The following PLD1 variants were observed in gnomAD, a reference collection of about 807,000 sequenced individuals.
The protein encoded by PLD1 is phospholipase D1.
In PLD1, 112 loss-of-function variants were observed where a neutral mutation model predicts 137.1. The ratio of observed to expected loss-of-function variants is 0.82; its 90% CI spans 0.70 to 0.96. PLD1 has a LOEUF of 0.96. Ranked by LOEUF, PLD1 falls within the 40% of genes least tolerant of loss-of-function variation. The pLI is 0.00. For missense variants in PLD1, 1,321 were observed against 1,342.0 expected, an observed-to-expected ratio of 0.98 and a Z score of 0.24; for synonymous variants, 431 against 454.7, an observed-to-expected ratio of 0.95 and a Z score of 0.66.
At chr3:171,733,543 T>C (rs751871312) in intron 5 of PLD1, 34 bp from the exon 6 acceptor site, 1 of 793,902 alleles carries the variant, frequency 1.3e-6, no homozygotes, top group Non-Finnish European at 2.2e-6. Flanking sequence ...AGTGTTAACA[T>C]GGTCATATTT....
At position 171,674,500 on chromosome 3, in the gene PLD1, C is replaced by A; in HGVS notation, c.2229G>T (p.Gln743His). 6.6e-7 allele frequency: 1 copy of A among 1,513,468 alleles called. No individual in the cohort carries two copies. The highest frequency in any genetic ancestry group is 9.1e-7 in the Non-Finnish European group (1 of 1,098,262). 93.8% of individuals were successfully genotyped at this position (1,513,468 alleles called of 1,614,324 possible). A position where few individuals can be genotyped will look rare whatever the true frequency, so the allele number is the denominator to read the frequency against. The change falls in exon 19 of 27, where the codon CAG (glutamine) becomes CAT (histidine). Residue 743 changes from glutamine to histidine, a missense_variant and splice_region_variant. Physicochemically the swap from Gln to His is conservative, Grantham distance 24. Transcript: ENST00000351298. ...AAAAGAAAAGCCAGAACTTACTTAC[C>A]TGTACGTTAGCATGGACAGACCCAG... ...QVPGSVHANV[Q>H]LLRSAADWSA...
chr3:171,746,266 C>T (rs532611244), intron 1 of PLD1, among the ~76,000 whole-genome samples: 7 of 152,322 alleles, frequency 4.6e-5, no homozygotes, highest in African/African-American at 1.4e-4. Flanking sequence ...AGTGCAGGCT[C>T]GCAGCGCGGG....
At chr3:171,639,848 C>CTCTCTCCATATA (rs3050415) in intron 23 of PLD1, among the ~76,000 whole-genome samples, 1 of 110,214 alleles carries the variant, frequency 9.1e-6, no homozygotes, top group Non-Finnish European at 1.7e-5. Flanking sequence ...CTCTCTCTCT[C>CTCTCTCCATATA]TATATATATA....
intron 9 of PLD1, among the ~76,000 whole-genome samples, chr3:171,713,334 G>A (rs934462033): frequency 1.3e-5 from 2 of 152,124 alleles, no homozygotes; most frequent in Admixed American, 6.5e-5. Context: ...GGTGGCAGGC[G>A]CCTGTAGTCC....
intron 19 of PLD1, among the ~76,000 whole-genome samples, chr3:171,665,336 G>C (rs1040706529): frequency 6.6e-6 from 1 of 152,192 alleles, no homozygotes; most frequent in African/African-American, 2.4e-5. Flanking sequence ...TTCTGTGAAG[G>C]ATAATGGTAA....
intron 8 of PLD1, among the ~76,000 whole-genome samples, chr3:171,722,736 C>T (rs76244622): frequency 3.9e-5 from 6 of 152,010 alleles, no homozygotes; most frequent in Non-Finnish European, 5.9e-5. Flanking sequence ...GTTCACAATG[C>T]GATGGTTTTT....
intron 21 of PLD1, among the ~76,000 whole-genome samples, chr3:171,657,426 AC>A (rs1371006388): frequency 2.0e-5 from 3 of 152,234 alleles, no homozygotes; most frequent in African/African-American, 7.2e-5. Flanking sequence ...GCATTCAATG[AC>A]TTAAAGTAAT....
intron 21 of PLD1, among the ~76,000 whole-genome samples, chr3:171,655,778 G>T (rs896476493): frequency 2.6e-5 from 4 of 152,270 alleles, no homozygotes; most frequent in African/African-American, 9.6e-5. Flanking sequence ...GAGACGCCAG[G>T]GGTGAGGGGA....
intron 21 of PLD1, among the ~76,000 whole-genome samples, chr3:171,650,261 C>T (rs1736613361): frequency 6.6e-6 from 1 of 151,952 alleles, no homozygotes; most frequent in South Asian, 2.1e-4. Flanking sequence ...ATAGACCCCA[C>T]TCTCTTTTCA....
intron 1 of PLD1, among the ~76,000 whole-genome samples, chr3:171,758,438 A>G (rs1391827272): frequency 6.6e-6 from 1 of 152,086 alleles, no homozygotes; most frequent in African/African-American, 2.4e-5. Flanking sequence ...ACCTTTCCCC[A>G]CCATCTGTCT....
intron 19 of PLD1, among the ~76,000 whole-genome samples, chr3:171,669,385 A>C (rs1053557519): frequency 6.6e-6 from 1 of 152,170 alleles, no homozygotes; most frequent in African/African-American, 2.4e-5. Context: ...AGAAATGTTA[A>C]CTTCTTTGTT....
intron 25 of PLD1, among the ~76,000 whole-genome samples, chr3:171,609,915 G>A (rs1560141043): frequency 1.3e-5 from 2 of 152,022 alleles, no homozygotes; most frequent in African/African-American, 4.8e-5. Flanking sequence ...AATAAAAAAA[G>A]AAAGTTAAAC....
At chr3:171,661,618 T>A (rs1711518425) in intron 20 of PLD1, among the ~76,000 whole-genome samples, 1 of 152,134 alleles carries the variant, frequency 6.6e-6, no homozygotes, top group Non-Finnish European at 1.5e-5. Context: ...CACGTTCTTT[T>A]CCCTGCACTC....
At chr3:171,746,453 T>G (rs1720188007) in intron 1 of PLD1, among the ~76,000 whole-genome samples, 1 of 152,238 alleles carries the variant, frequency 6.6e-6, no homozygotes, top group South Asian at 2.1e-4. Context: ...CAGTGCTCTG[T>G]GTCCAGCTAA....
chr3:171,736,262 A>C (rs557768923), intron 3 of PLD1, among the ~76,000 whole-genome samples: 18 of 152,192 alleles, frequency 1.2e-4, no homozygotes, highest in Non-Finnish European at 2.1e-4. Flanking sequence ...TATTATTATT[A>C]CTAAATCTTT....
intron 20 of PLD1, among the ~76,000 whole-genome samples, chr3:171,660,856 C>A (rs1737612615): frequency 6.6e-6 from 1 of 152,084 alleles, no homozygotes; most frequent in Non-Finnish European, 1.5e-5. Context: ...GATCCACCCG[C>A]CTTGGCCCCC....
chr3:171,792,937 T>A (rs902506603), intron 1 of PLD1: 1 of 318,648 alleles, frequency 3.1e-6, no homozygotes, highest in African/African-American at 2.2e-5. Flanking sequence ...CCCAAGGAAG[T>A]GGGGCTCTCA....
At chr3:171,791,187 T>A (rs2178532) in intron 1 of PLD1, among the ~76,000 whole-genome samples, 1 of 152,032 alleles carries the variant, frequency 6.6e-6, no homozygotes, top group African/African-American at 2.4e-5. Context: ...ATGGCAAGCC[T>A]GTGGTTACAT....
At chr3:171,645,956 C>T (rs2108384541) in intron 21 of PLD1, among the ~76,000 whole-genome samples, 1 of 149,022 alleles carries the variant, frequency 6.7e-6, no homozygotes, top group South Asian at 2.1e-4. Flanking sequence ...ACATACAACA[C>T]AATATTTCAT....
Sources: allele counts gnomAD v4.1 joint callset (sites outside exome capture counted in the v4.1 genomes callset), GRCh38; gene constraint gnomAD v4.1.1; transcripts MANE v1.5; gene names NCBI Gene and HGNC (gene_info 2026-07-23, HGNC 2026-07-21).